TRPM2: variants seen among roughly 807,000 people sequenced by gnomAD.
TRPM2 encodes transient receptor potential cation channel subfamily M member 2.
TRPM2 carries 161 observed loss-of-function variants against 174.0 expected under a neutral mutation model. That is an observed-to-expected ratio of 0.93 (90% CI 0.81 to 1.05). TRPM2 has a LOEUF of 1.05. Among genes scored for constraint, TRPM2 ranks in the 50% least tolerant of loss-of-function variants. TRPM2 has a pLI of 0.00. For missense variants in TRPM2, 2,057 were observed against 2,038.0 expected (o/e 1.01, Z -0.18); for synonymous variants, 954 against 861.3 (o/e 1.11, Z -1.88).
At chr21:44,351,744 C>T (rs2122997854), upstream of TRPM2, among the ~76,000 whole-genome samples, 23 of 152,320 alleles carry the variant, frequency 1.5e-4, no homozygotes, top group African/African-American at 4.3e-4. Flanking sequence ...CATTGGCCCC[C>T]CCACAGCGGG....
At chr21:44,398,206 G>GTTTTTTTTTTTTTTTTTTTTTT (rs34051764) in intron 13 of TRPM2, among the ~76,000 whole-genome samples, 7 of 144,774 alleles carry the variant, frequency 4.8e-5, no homozygotes, top group African/African-American at 1.6e-4. Flanking sequence ...TTTGGAGACT[G>GTTTTTTTTTTTTTTTTTTTTTT]TTTTTTTTTT....
chr21:44,406,444 G>C (rs1357585482), intron 18 of TRPM2, 150 bp from the exon 19 acceptor site: 10 of 946,524 alleles, frequency 1.1e-5, no homozygotes, highest in Non-Finnish European at 1.5e-5. Context: ...AGGGTGTGGG[G>C]GCAGCCCCAG....
chr21:44,364,013 TG>T, intron 2 of TRPM2, 100 bp from the exon 3 acceptor site: 1 of 1,305,546 alleles, frequency 7.7e-7, no homozygotes, highest in Non-Finnish European at 1.0e-6. Context: ...TTTTGCTGGG[TG>T]GGGGAAGGTT....
At position 44,379,075 on chromosome 21, in the gene TRPM2, C is replaced by T. The variant is rs776575078; in HGVS notation, c.1093C>T (p.Gln365Ter). ...GGGCCGCGTGGCCGACGTCATTGCCCAGGTGGCCAACCTGCCTGTCTCGGA... is the reference window on the plus strand; with the variant it reads ...GGGCCGCGTGGCCGACGTCATTGCCTAGGTGGCCAACCTGCCTGTCTCGGA... The part of the protein sequence containing the change: ...GSGRVADVIA[Q>*]VANLPVSDIT... The change falls in exon 8 of 32, where the codon CAG (glutamine) becomes TAG (stop). Residue 365 changes from glutamine to a stop codon, truncating the protein, a stop_gained. Transcript: ENST00000397928. LOFTEE classifies it high-confidence loss of function. 3 of 1,612,974 alleles carry T rather than the reference C, an allele frequency of 1.9e-6. No homozygotes were observed. The highest frequency in any genetic ancestry group is 2.5e-6 in the Non-Finnish European group (3 of 1,180,038).
intron 3 of TRPM2, among the ~76,000 whole-genome samples, chr21:44,365,068 A>G (rs1388791130): frequency 6.7e-6 from 1 of 149,108 alleles, no homozygotes; most frequent in African/African-American, 2.5e-5. Flanking sequence ...GGGTTCTGAG[A>G]CTCGCGTGTT....
At chr21:44,350,672 G>T (rs1290393572), upstream of TRPM2, among the ~76,000 whole-genome samples, 1 of 147,818 alleles carries the variant, frequency 6.8e-6, no homozygotes, top group African/African-American at 2.5e-5. Flanking sequence ...AGGGTGCGGT[G>T]GGGTGCAGGG....
intron 7 of TRPM2, among the ~76,000 whole-genome samples, chr21:44,378,335 T>G (rs2048768221): frequency 6.6e-6 from 1 of 152,164 alleles, no homozygotes; most frequent in Non-Finnish European, 1.5e-5. Flanking sequence ...AGCCTGAGGA[T>G]CTGGAGCAAG....
chr21:44,427,178 C>T, intron 27 of TRPM2, 67 bp downstream of exon 27: 2 of 1,348,090 alleles, frequency 1.5e-6, no homozygotes, highest in Non-Finnish European at 2.0e-6. Context: ...CAGGTTTCCT[C>T]TCTGGGCAAA....
intron 31 of TRPM2, among the ~76,000 whole-genome samples, chr21:44,441,199 C>G (rs2051491388): frequency 6.6e-6 from 1 of 152,004 alleles, no homozygotes; most frequent in Non-Finnish European, 1.5e-5. Context: ...AGGGAGAGGC[C>G]GGGGAGCCAC....
intron 3 of TRPM2, among the ~76,000 whole-genome samples, chr21:44,364,720 G>A (rs543401161): frequency 1.4e-4 from 22 of 152,284 alleles, no homozygotes; most frequent in African/African-American, 4.8e-4. Context: ...TAGCAGGGAG[G>A]CCCATGTGGC....
intron 22 of TRPM2, chr21:44,422,386 C>A: frequency 6.5e-7 from 1 of 1,536,118 alleles, no homozygotes. Context: ...ACCACCCTCG[C>A]ATGTTTGCAA....
Position 44,399,399 on chromosome 21 carries a change from G to A in TRPM2, c.2166G>A (p.Leu722=), listed in dbSNP as rs1359812738. Residue 722 remains leucine (L), a synonymous_variant, in exon 14 of 32, where the codon CTG becomes CTA. Transcript: ENST00000397928. The surrounding 1 kb of genome is among the most constrained non-coding windows in gnomAD (Gnocchi z 4.6). ...AGACCACCTGCCTGCAGCTCGCCCT[G>A]GAGGCCAAGGACATGAAGTTTGTGT... ...WGKTTCLQLA[L]EAKDMKFVSH... The A allele has an allele frequency of 6.2e-7, 1 of 1,612,730 alleles. No homozygotes were observed. Among genetic ancestry groups the A allele is most frequent in the South Asian group, 1.1e-5 (1 of 91,070 alleles).
At chr21:44,378,611 C>T (rs2048779725) in intron 7 of TRPM2, among the ~76,000 whole-genome samples, 1 of 152,208 alleles carries the variant, frequency 6.6e-6, no homozygotes, top group African/African-American at 2.4e-5. Flanking sequence ...TTCCCGAAGT[C>T]CAGCACACCC....
chr21:44,436,199 C>T (rs144087025), intron 28 of TRPM2, among the ~76,000 whole-genome samples: 76 of 152,322 alleles, frequency 5.0e-4, no homozygotes, highest in Middle Eastern at 3.4e-3. Flanking sequence ...CAGGTGCAGA[C>T]GCCTGCGTCC....
intron 19 of TRPM2, among the ~76,000 whole-genome samples, chr21:44,407,476 T>A (rs950251151): frequency 8.6e-5 from 8 of 93,180 alleles, no homozygotes; most frequent in Admixed American, 4.0e-4. Context: ...TTTTTTTTTT[T>A]AACAGCTTCA....
Position 44,399,263 on chromosome 21 carries a change from C to T in TRPM2, c.2063-33C>T. ...CCCAGGGCTCAGTGATTGTGACCTG[C>T]TGCTCTGACGGGGCTCTCATATCTC... On this transcript the variant is annotated intron_variant, in intron 13 of 31. Coordinates refer to ENST00000397928, the MANE Select transcript of TRPM2 (RefSeq NM_003307.4). This position sits in a 1 kb window ranked among gnomAD's most constrained non-coding sequence, Gnocchi z 4.6. 6.3e-7 allele frequency: 1 copy of T among 1,596,534 alleles called. No homozygotes were observed. The highest frequency in any genetic ancestry group is 8.6e-7 in the Non-Finnish European group (1 of 1,169,554).
chr21:44,435,897 T>C (rs1274792957), intron 28 of TRPM2, among the ~76,000 whole-genome samples: 1,045 of 30,038 alleles, frequency 0.035, 22 homozygotes, highest in Middle Eastern at 0.1. Flanking sequence ...CCACACTCTC[T>C]CCTCAGACTC....
intron 7 of TRPM2, 40 bp downstream of exon 7, chr21:44,377,813 T>A (rs1205841893): frequency 1.2e-6 from 2 of 1,609,734 alleles, no homozygotes; most frequent in Non-Finnish European, 1.7e-6. Context: ...TGTGGGCCCG[T>A]CCTGCTGCAG....
chr21:44,426,581 C>T (rs1159466825), intron 25 of TRPM2, 79 bp from the exon 26 acceptor site: 1 of 1,455,810 alleles, frequency 6.9e-7, no homozygotes, highest in East Asian at 2.3e-5. Flanking sequence ...CCCAGCTGAG[C>T]AGCCCTTTCA....
Sources: allele counts gnomAD v4.1 joint callset (sites outside exome capture counted in the v4.1 genomes callset), GRCh38; gene constraint gnomAD v4.1.1; non-coding constraint Gnocchi (gnomAD v3.1); transcripts MANE v1.5; gene names NCBI Gene and HGNC (gene_info 2026-07-23, HGNC 2026-07-21).